Variants in JAKMIP2 observed in about 807,000 individuals in gnomAD.
JAKMIP2 encodes the protein janus kinase and microtubule interacting protein 2.
In JAKMIP2, 25 loss-of-function variants were observed where a neutral mutation model predicts 115.0. The ratio of observed to expected loss-of-function variants is 0.22; its 90% CI spans 0.16 to 0.30. JAKMIP2 has a LOEUF of 0.30. Among genes scored for constraint, JAKMIP2 ranks in the 10% least tolerant of loss-of-function variants. JAKMIP2 has a pLI of 1.00. For missense variants in JAKMIP2, 642 were observed against 957.6 expected (o/e 0.67, Z 4.35); for synonymous variants, 334 against 343.6 (o/e 0.97, Z 0.31).
chr5:147,609,295 T>G (rs1756187689), intron 20 of JAKMIP2, among the ~76,000 whole-genome samples: 2 of 152,176 alleles, frequency 1.3e-5, no homozygotes, highest in Non-Finnish European at 2.9e-5. Context: ...TTTTGGGTTG[T>G]TTTTGCAGTG....
chr5:147,626,969 T>C (rs1324570701), intron 16 of JAKMIP2, among the ~76,000 whole-genome samples: 1 of 152,182 alleles, frequency 6.6e-6, no homozygotes, highest in Non-Finnish European at 1.5e-5. Context: ...ATCTTTGTGT[T>C]GTCACTGAAA....
chr5:147,752,212 C>T (rs1754584252), intron 1 of JAKMIP2, among the ~76,000 whole-genome samples: 1 of 152,004 alleles, frequency 6.6e-6, no homozygotes, highest in Non-Finnish European at 1.5e-5. Flanking sequence ...GTACAGAGGC[C>T]CTGTCAAGGG....
At chr5:147,621,869 T>C (rs1479276318) in intron 17 of JAKMIP2, among the ~76,000 whole-genome samples, 1 of 152,014 alleles carries the variant, frequency 6.6e-6, no homozygotes, top group South Asian at 2.1e-4. Context: ...TTGTTATAAA[T>C]TTCTGTTTTT....
chr5:147,610,100 T>C (rs1346733882), intron 20 of JAKMIP2, among the ~76,000 whole-genome samples: 1 of 152,186 alleles, frequency 6.6e-6, no homozygotes, highest in Non-Finnish European at 1.5e-5. Context: ...TTAAGGTTCT[T>C]AGCTTCCTTA....
intron 18 of JAKMIP2, among the ~76,000 whole-genome samples, chr5:147,619,871 C>T (rs1273586542): frequency 1.3e-5 from 2 of 152,132 alleles, no homozygotes; most frequent in Non-Finnish European, 2.9e-5. Context: ...ATCTTACTAT[C>T]CTCGTATGTA....
chr5:147,729,472 C>G (rs1753642291), intron 1 of JAKMIP2, among the ~76,000 whole-genome samples: 1 of 151,990 alleles, frequency 6.6e-6, no homozygotes. Flanking sequence ...TAGATGTTGT[C>G]ACATAAAAAG....
At chr5:147,739,888 C>A (rs1003298740) in intron 1 of JAKMIP2, among the ~76,000 whole-genome samples, 3 of 152,160 alleles carry the variant, frequency 2.0e-5, no homozygotes, top group Admixed American at 2.0e-4. Context: ...TCAGAGAAGT[C>A]ACAGCCCCTG....
chr5:147,720,655 T>G (rs1012775533), intron 1 of JAKMIP2, among the ~76,000 whole-genome samples: 4 of 152,102 alleles, frequency 2.6e-5, no homozygotes, highest in African/African-American at 9.7e-5. Flanking sequence ...TCCTGAGGCT[T>G]CTGCATTCTT....
chr5:147,726,438 T>G (rs1420881793), intron 1 of JAKMIP2, among the ~76,000 whole-genome samples: 1 of 152,224 alleles, frequency 6.6e-6, no homozygotes, highest in Non-Finnish European at 1.5e-5. Context: ...GGGTGGGAAT[T>G]TCTTACCAGT....
intron 18 of JAKMIP2, among the ~76,000 whole-genome samples, chr5:147,619,875 G>A (rs79163683): frequency 0.061 from 9,345 of 152,030 alleles, 805 homozygotes; most frequent in African/African-American, 0.19. Context: ...TACTATCCTC[G>A]TATGTAAGAT....
chr5:147,715,524 C>T (rs1036507936), intron 1 of JAKMIP2, among the ~76,000 whole-genome samples: 12 of 150,920 alleles, frequency 8.0e-5, no homozygotes, highest in Non-Finnish European at 1.2e-4. Context: ...CAGCCTGTGA[C>T]GGCTGTATTA....
chr5:147,751,849 G>A lies in JAKMIP2; in HGVS notation c.-149+30607C>T, dbSNP rs189214992. On this transcript the variant is annotated intron_variant, in intron 1 of 21. Transcript: ENST00000616793. The stretch of plus-strand genomic sequence containing the variant: ...TTCTGTAGGACTGCAGGCTTAAGTG[G>A]TGCTGTGGCTTACACTGATAGAGAG... Among the ~76,000 whole-genome samples, 824 of 152,252 alleles carry A rather than the reference G, an allele frequency of 5.4e-3. 3 individuals are homozygous for A. Among genetic ancestry groups the A allele is most frequent in the Non-Finnish European group, 8.0e-3 (542 of 68,030 alleles).
intron 1 of JAKMIP2, among the ~76,000 whole-genome samples, chr5:147,741,105 A>G (rs1034649692): frequency 3.3e-5 from 5 of 152,158 alleles, no homozygotes; most frequent in Non-Finnish European, 7.3e-5. Context: ...TCCTGCTGCA[A>G]AACCCTGATC....
chr5:147,589,711 T>C lies in JAKMIP2; in HGVS notation c.*1996A>G, dbSNP rs1473005424. 1 of 152,220 alleles carries C rather than the reference T, an allele frequency of 6.6e-6. No homozygotes were observed. The highest frequency in any genetic ancestry group is 2.1e-4 in the South Asian group (1 of 4,836). 9.4% of individuals were successfully genotyped at this position (152,220 alleles called of 1,614,324 possible). ...TTCTATCTTGTTCAATAGCATGAGA[T>C]GATCTATTTCCTATAGATTATTAAA... On this transcript the variant is annotated 3_prime_UTR_variant, in exon 22 of 22. Coordinates refer to ENST00000616793, the MANE Select transcript of JAKMIP2 (RefSeq NM_001270941.2).
intron 1 of JAKMIP2, among the ~76,000 whole-genome samples, chr5:147,699,518 G>A (rs1378039906): frequency 1.2e-4 from 18 of 152,300 alleles, no homozygotes; most frequent in Admixed American, 7.2e-4. Flanking sequence ...GGCAAGTGAG[G>A]TGGGATGAAG....
chr5:147,610,261 G>A (rs1297782060), intron 20 of JAKMIP2, among the ~76,000 whole-genome samples: 1 of 152,144 alleles, frequency 6.6e-6, no homozygotes, highest in Non-Finnish European at 1.5e-5. Flanking sequence ...GAGGAGAAGA[G>A]GCATTCTGGT....
chr5:147,637,240 T>G (rs2126705055), intron 10 of JAKMIP2, among the ~76,000 whole-genome samples, 192 bp from the exon 11 acceptor site: 1 of 152,260 alleles, frequency 6.6e-6, no homozygotes, highest in Non-Finnish European at 1.5e-5. Context: ...GTATTCAAAC[T>G]CGTTAGCTTG....
intron 2 of JAKMIP2, 70 bp downstream of exon 2, chr5:147,671,608 C>T: frequency 1.6e-6 from 2 of 1,273,908 alleles, no homozygotes; most frequent in Non-Finnish European, 2.0e-6. Context: ...GCAGGCAGAG[C>T]TGTGCTCGCT....
At position 147,637,137 on chromosome 5, in the gene JAKMIP2, G is replaced by A. The variant is rs183358063; in HGVS notation, c.1531-89C>T. ...GAACTCAACAAGTAAGAGAGAGAGAGAGGAAAAAAAGAAGAATTTTCTATG... is the reference window on the plus strand; with the variant it reads ...GAACTCAACAAGTAAGAGAGAGAGAAAGGAAAAAAAGAAGAATTTTCTATG... On this transcript the variant is annotated intron_variant, in intron 10 of 21. Transcript: ENST00000616793. 111 of 767,706 alleles carry A rather than the reference G, an allele frequency of 1.4e-4. 1 individual carries two copies. In the Middle Eastern group the frequency reaches 1.9e-3, roughly 13 times the overall value. 47.6% of individuals were successfully genotyped at this position (767,706 alleles called of 1,614,324 possible).
Sources: allele counts gnomAD v4.1 joint callset (sites outside exome capture counted in the v4.1 genomes callset), GRCh38; gene constraint gnomAD v4.1.1; transcripts MANE v1.5; gene names NCBI Gene and HGNC (gene_info 2026-07-23, HGNC 2026-07-21).